The following TET1 variants were observed in gnomAD, a reference collection of about 807,000 sequenced individuals.
The protein encoded by TET1 is methylcytosine dioxygenase TET1.
A neutral mutation model predicts 148.7 loss-of-function variants in TET1; 13 were observed. The observed-to-expected ratio is 0.09, with a 90% CI of 0.06 to 0.14. The LOEUF is 0.14. TET1 is among the 10% of genes least tolerant of loss of function. The probability of loss-of-function intolerance (pLI) is 1.00; values close to 1 mark genes in which losing one functional copy is unlikely to be tolerated. For synonymous variants in TET1, 907 were observed against 937.2 expected (o/e 0.97, Z 0.59); for missense variants, 2,182 against 2,553.8 (o/e 0.85, Z 3.14).
rs2054860106 is a variant in TET1, at chr10:68,646,956, C to T, written c.4227C>T (p.Asn1409=). 1 of 1,614,046 alleles carries T rather than the reference C, an allele frequency of 6.2e-7. No individual in the cohort carries two copies. Among genetic ancestry groups the T allele is most frequent in the Non-Finnish European group, 8.5e-7 (1 of 1,179,988 alleles). ...AMNFFTNPTK[N]LVSITKDSEL... ...ACTTCTTTACTAACCCTACAAAAAA[C>T]CTAGTGTCTATAACTAAAGATTCTG... is the stretch of plus-strand genomic sequence containing the variant. Residue 1409 remains asparagine, a synonymous_variant, in exon 4 of 12, where the codon AAC becomes AAT. Coordinates refer to ENST00000373644, the MANE Select transcript of TET1 (RefSeq NM_030625.3).
In TET1 at chr10:68,572,593, T is replaced by A; in HGVS notation, c.255T>A (p.Asp85Glu). 6.2e-7 allele frequency: 1 copy of A among 1,614,174 alleles called. No individual in the cohort carries two copies. The highest frequency in any genetic ancestry group is 8.5e-7 in the Non-Finnish European group (1 of 1,180,024). The change falls in exon 2 of 12, where the codon GAT becomes GAA. Residue 85 changes from aspartate (D) to glutamate (E), a missense_variant. By Grantham distance (45) the Asp-to-Glu change is conservative (BLOSUM62 2). Around this residue, in one of 11 missense-constraint regions of TET1, gnomAD observed 665 missense variants for 672.4 expected, o/e 0.99. Coordinates refer to ENST00000373644, the MANE Select transcript of TET1 (RefSeq NM_030625.3). ...CTGGAGCAGCACGCATGAATTTGGATAGGACTGAGGTTCTTTTTCAGAACC... is the reference window on the plus strand; with the variant it reads ...CTGGAGCAGCACGCATGAATTTGGAAAGGACTGAGGTTCTTTTTCAGAACC... Reference protein sequence around the residue: ...TRAGAARMNLDRTEVLFQNPE... With the variant: ...TRAGAARMNLERTEVLFQNPE...
intron 3 of TET1, among the ~76,000 whole-genome samples, chr10:68,624,632 CTTTCTTTCTTTCTTTCTT>C (rs1169973345): frequency 1.9e-4 from 8 of 41,982 alleles, no homozygotes; most frequent in Admixed American, 8.5e-4. Context: ...TTCTTTCTTT[CTTTCTTTCTTTCTTTCTT>C]TCTTTCTTTC....
Position 68,645,174 on chromosome 10 carries a change from T to A in TET1, c.2445T>A (p.His815Gln). 1 of 1,614,126 alleles carries A rather than the reference T, an allele frequency of 6.2e-7. No individual in the cohort carries two copies. Among genetic ancestry groups the A allele is most frequent in the Non-Finnish European group, 8.5e-7 (1 of 1,179,978 alleles). The change falls in exon 4 of 12, where the codon CAT becomes CAA. Residue 815 changes from histidine (H) to glutamine (Q), a missense_variant. Coordinates refer to ENST00000373644, the MANE Select transcript of TET1 (RefSeq NM_030625.3). Reference protein sequence around the residue: ...SSVATDMSCDHLKGRSNVLVF... With the variant: ...SSVATDMSCDQLKGRSNVLVF... ...TTGCTACTGATATGAGTTGTGATCA[T>A]CTCAAGGGGAGAAGTAACGTTTTAG... is the stretch of plus-strand genomic sequence containing the variant.
intron 3 of TET1, among the ~76,000 whole-genome samples, chr10:68,623,076 C>T (rs776017049): frequency 9.2e-5 from 14 of 152,120 alleles, no homozygotes; most frequent in African/African-American, 1.2e-4. Flanking sequence ...TACTGTTTCC[C>T]TTTGTAATTA....
At position 68,624,596 on chromosome 10, in the gene TET1, C is replaced by A. The variant is rs555063623; in HGVS notation, c.1969-20102C>A. On this transcript the variant is annotated intron_variant, in intron 3 of 11. Coordinates refer to ENST00000373644, the MANE Select transcript of TET1 (RefSeq NM_030625.3). ...GAGCCACCGTGCCTGGCCTTATTTT[C>A]TTTTTCTCTTTCTTTCTTTCTTTCT... is the stretch of plus-strand genomic sequence containing the variant. 1.4e-4 allele frequency among the ~76,000 whole-genome samples: 21 copies of A among 149,202 alleles called. No individual in the cohort carries two copies. The East Asian group carries it at 4.0e-3, about 28-fold the overall frequency.
chr10:68,644,838 A>G lies in TET1; in HGVS notation c.2109A>G (p.Thr703=). 6.2e-7 allele frequency: 1 copy of G among 1,613,940 alleles called. No homozygotes were observed. Among genetic ancestry groups the G allele is most frequent in the African/African-American group, 1.3e-5 (1 of 75,044 alleles). Residue 703 remains threonine, a synonymous_variant, in exon 4 of 12, where the codon ACA becomes ACG. Coordinates refer to ENST00000373644, the MANE Select transcript of TET1 (RefSeq NM_030625.3). ...TAACTAAAAATGAAGACAGCATGAC[A>G]GGCATCGAGGTGGAGAAGTGGACAC... ...ENVTKNEDSM[T]GIEVEKWTQN... is the part of the protein sequence containing the mutation.
intron 3 of TET1, among the ~76,000 whole-genome samples, chr10:68,606,092 T>C (rs544884750): frequency 2.0e-5 from 3 of 152,232 alleles, no homozygotes; most frequent in African/African-American, 7.2e-5. Context: ...ATAGGCCAGG[T>C]TCGGTGGCTC....
intron 2 of TET1, among the ~76,000 whole-genome samples, chr10:68,599,058 G>A (rs2054021564): frequency 6.6e-6 from 1 of 152,200 alleles, no homozygotes; most frequent in Non-Finnish European, 1.5e-5. Flanking sequence ...TAATTTAAAA[G>A]TGGAAAAACA....
chr10:68,632,864 A>G (rs2054596795), intron 3 of TET1: 1 of 790,582 alleles, frequency 1.3e-6, no homozygotes, highest in Non-Finnish European at 2.0e-6. Context: ...AAAGAAAACA[A>G]AATTGTCTTA....
At chr10:68,592,172 T>C (rs917250712) in intron 2 of TET1, among the ~76,000 whole-genome samples, 4 of 151,674 alleles carry the variant, frequency 2.6e-5, no homozygotes, top group Non-Finnish European at 4.4e-5. Context: ...AAAAATTAGC[T>C]GGGCATGGTG....
At chr10:68,634,546 G>T (rs1223881666) in intron 3 of TET1, among the ~76,000 whole-genome samples, 1 of 152,174 alleles carries the variant, frequency 6.6e-6, no homozygotes, top group Non-Finnish European at 1.5e-5. Context: ...TTAAAACAGT[G>T]CCTGGGGGTT....
At chr10:68,661,483 T>A (rs1325376110) in intron 6 of TET1, among the ~76,000 whole-genome samples, 1 of 151,692 alleles carries the variant, frequency 6.6e-6, no homozygotes, top group South Asian at 2.1e-4. Context: ...AAACTAAGAG[T>A]TAGGCTGTGA....
intron 8 of TET1, among the ~76,000 whole-genome samples, chr10:68,676,248 ATATATATATATATATATATATTTTTT>A (rs1373868416): frequency 2.4e-4 from 5 of 20,768 alleles, no homozygotes; most frequent in South Asian, 2.9e-3. Context: ...ATATATATAT[ATATATATATATATATATATATTTTTT>A]TTTTTTTTTT....
intron 3 of TET1, among the ~76,000 whole-genome samples, chr10:68,620,673 T>C (rs1329196486): frequency 6.6e-6 from 1 of 151,940 alleles, no homozygotes; most frequent in East Asian, 1.9e-4. Flanking sequence ...GTTTTCACTC[T>C]TCTTGGGTAC....
chr10:68,591,938 A>AAAC lies in TET1; in HGVS notation c.1915-9042_1915-9041insACA, dbSNP rs1564956871. The stretch of plus-strand genomic sequence containing the variant: ...ACAAACAAACAAACAAACAAACAAA[A>AAAC]ACAGCCTACATAATATCCATTCTCA... On this transcript the variant is annotated intron_variant, in intron 2 of 11. Transcript: ENST00000373644. Among the ~76,000 whole-genome samples the AAAC allele has an allele frequency of 1.5e-4, 22 of 151,168 alleles. No homozygotes were observed. The East Asian group carries it at 2.9e-3, about 20-fold the overall frequency.
chr10:68,676,308 G>A (rs2055361144), intron 8 of TET1, among the ~76,000 whole-genome samples: 1 of 111,300 alleles, frequency 9.0e-6, no homozygotes, highest in Non-Finnish European at 1.7e-5. Context: ...TTCTGAGACG[G>A]AGTCTTGCTC....
chr10:68,647,166 T>G (rs1443478723), intron 4 of TET1, among the ~76,000 whole-genome samples, 161 bp downstream of exon 4: 1 of 152,218 alleles, frequency 6.6e-6, no homozygotes, highest in Non-Finnish European at 1.5e-5. Flanking sequence ...CTGTGGGAAC[T>G]TTTGGTTCTG....
rs181578982 is a variant in TET1 at position 68,596,867 on chromosome 10, G to A, written c.1915-4114G>A. Among the ~76,000 whole-genome samples the A allele has an allele frequency of 2.0e-5, 3 of 152,084 alleles. No individual in the cohort carries two copies. In the East Asian group the frequency reaches 5.8e-4, roughly 29 times the overall value. ...CTTCGATGTTTGCTTAGGTTGTCAA[G>A]TGCAATGTTGTATGGCTTCATGAGT... On this transcript the variant is annotated intron_variant, in intron 2 of 11. Coordinates refer to ENST00000373644, the MANE Select transcript of TET1 (RefSeq NM_030625.3).
intron 6 of TET1, among the ~76,000 whole-genome samples, chr10:68,654,410 G>A (rs954798350): frequency 1.3e-5 from 2 of 152,106 alleles, no homozygotes; most frequent in Non-Finnish European, 2.9e-5. Context: ...GAGGTCAGGA[G>A]ATCGAGCCTA....
Sources: gnomAD v4.1 joint callset for allele counts (sites outside exome capture counted in the v4.1 genomes callset) on GRCh38, gnomAD v4.1.1 for gene constraint, gnomAD v4.1.1 regional missense constraint, MANE v1.5 for transcripts, NCBI Gene and HGNC (gene_info 2026-07-23, HGNC 2026-07-21) for gene names.